The following ZDHHC15 variants were observed in gnomAD, a reference collection of about 807,000 sequenced individuals.
ZDHHC15 encodes the protein palmitoyltransferase ZDHHC15.
In ZDHHC15, 19 loss-of-function variants were observed where a neutral mutation model predicts 31.7. That is an observed-to-expected ratio of 0.60 (90% CI 0.42 to 0.88). The LOEUF (loss-of-function observed/expected upper bound fraction) is 0.88, where lower values mean the gene tolerates loss of function less well. ZDHHC15 is among the 40% of genes least tolerant of loss of function. The pLI is 0.00. For synonymous variants in ZDHHC15, 103 were observed against 90.0 expected (o/e 1.14, Z -0.82); for missense variants, 209 against 251.2 (o/e 0.83, Z 1.14).
intron 3 of ZDHHC15, among the ~76,000 whole-genome samples, chrX:75,474,360 T>G (rs994413535): frequency 1.1e-4 from 12 of 108,320 alleles, no homozygotes; most frequent in Non-Finnish European, 2.3e-4. Flanking sequence ...CTGGCTTTCC[T>G]TGCTCCTCAG....
intron 11 of ZDHHC15, among the ~76,000 whole-genome samples, chrX:75,376,529 T>C (rs918233012): frequency 9.0e-6 from 1 of 111,509 alleles, no homozygotes; most frequent in Non-Finnish European, 1.9e-5. Context: ...ATTTTTATAG[T>C]TTGAAGTCTT....
At chrX:75,490,508 T>A (rs2084865615) in intron 2 of ZDHHC15, among the ~76,000 whole-genome samples, 1 of 111,504 alleles carries the variant, frequency 9.0e-6, no homozygotes, top group African/African-American at 3.3e-5. Context: ...TTTAAAGTAG[T>A]TTTTTCCAAT....
At position 75,372,854 on chromosome X, in the gene ZDHHC15, C is replaced by G. The variant is rs1031841233; in HGVS notation, c.*124G>C. 5 of 111,809 alleles carry G rather than the reference C, an allele frequency of 4.5e-5. No individual in the cohort carries two copies. Among genetic ancestry groups the G allele is most frequent in the Non-Finnish European group, 7.5e-5 (4 of 53,084 alleles). The allele number at this position is 111,809 out of a possible 1,213,427, so 9.2% of individuals were successfully genotyped here. ...GATGGAATTCTTTCAAATTTTGAAGCTTTCAATCCAACACGGTGACTTATT... is the reference window on the plus strand; with the variant it reads ...GATGGAATTCTTTCAAATTTTGAAGGTTTCAATCCAACACGGTGACTTATT... On this transcript the variant is annotated 3_prime_UTR_variant, in exon 12 of 12. Coordinates refer to ENST00000373367, the MANE Select transcript of ZDHHC15 (RefSeq NM_144969.3).
At chrX:75,505,878 C>G (rs1402215438) in intron 1 of ZDHHC15, 31 bp from the exon 2 acceptor site, 2 of 1,132,001 alleles carry the variant, frequency 1.8e-6, no homozygotes, top group Admixed American at 2.2e-5. Flanking sequence ...GAGAGACAGA[C>G]AGACAGACAG....
At chrX:75,494,234 A>G (rs1372380209) in intron 2 of ZDHHC15, among the ~76,000 whole-genome samples, 1 of 111,451 alleles carries the variant, frequency 9.0e-6, no homozygotes, top group African/African-American at 3.3e-5. Context: ...AAGGGACGTG[A>G]AGGACCTCTT....
Position 75,491,272 on chromosome X carries a change from T to C in ZDHHC15, c.164-12287A>G, listed in dbSNP as rs369910488. 1.7e-3 allele frequency among the ~76,000 whole-genome samples: 189 copies of C among 110,178 alleles called. 4 individuals carry two copies. The South Asian group carries it at 0.031, about 18-fold the overall frequency. On this transcript the variant is annotated intron_variant, in intron 2 of 11. Transcript: ENST00000373367. ...CTGGATTAAGAAAATGTGGCACATA[T>C]ACACCATGGAATTCTATGCAGCCAT...
Position 75,421,896 on chromosome X carries a change from C to T in ZDHHC15, c.831G>A (p.Lys277=). The part of the protein sequence containing the change: ...IKNIQQVFGD[K]KKFWLIPIGS... ...CAATAGGTATTAACCAGAACTTCTT[C>T]TTATCTCCAAACACCTGCTGGATAT... The change falls in exon 9 of 12, where the codon AAG becomes AAA. Residue 277 remains lysine, a synonymous_variant. Transcript: ENST00000373367. 6.6e-6 allele frequency: 8 copies of T among 1,210,339 alleles called. No homozygotes were observed. The highest frequency in any genetic ancestry group is 8.9e-6 in the Non-Finnish European group (8 of 894,790).
intron 10 of ZDHHC15, among the ~76,000 whole-genome samples, chrX:75,401,031 C>T (rs771662062): frequency 5.4e-5 from 6 of 110,569 alleles, no homozygotes; most frequent in East Asian, 2.8e-4. Flanking sequence ...GAAGCTGGAA[C>T]GGATGCTGAC....
chrX:75,382,578 A>G (rs1364884292), intron 10 of ZDHHC15, among the ~76,000 whole-genome samples: 1 of 112,416 alleles, frequency 8.9e-6, no homozygotes, highest in Non-Finnish European at 1.9e-5. Flanking sequence ...TGTGGCCAAA[A>G]TGTTAGGGCA....
At chrX:75,384,356 C>G (rs891505342) in intron 10 of ZDHHC15, 2 of 962,392 alleles carry the variant, frequency 2.1e-6, no homozygotes, top group Admixed American at 2.2e-5. Context: ...ATGACGAACA[C>G]AAAGGGAAAG....
intron 9 of ZDHHC15, among the ~76,000 whole-genome samples, chrX:75,420,278 T>C (rs2083608891): frequency 9.0e-6 from 1 of 111,069 alleles, no homozygotes; most frequent in Admixed American, 9.6e-5. Flanking sequence ...CCAGTTAGAA[T>C]GGCAATCATT....
intron 2 of ZDHHC15, among the ~76,000 whole-genome samples, chrX:75,489,112 G>A: frequency 8.9e-6 from 1 of 111,991 alleles, no homozygotes; most frequent in Non-Finnish European, 1.9e-5. Flanking sequence ...ACTGGGTGGA[G>A]CCCACCACAG....
intron 10 of ZDHHC15, among the ~76,000 whole-genome samples, chrX:75,386,019 A>G (rs2083175612): frequency 8.9e-6 from 1 of 112,182 alleles, no homozygotes; most frequent in African/African-American, 3.2e-5. Context: ...ATATTCTCTC[A>G]ATAAATATTA....
At chrX:75,384,431 C>A (rs951867682) in intron 10 of ZDHHC15, 2 of 936,970 alleles carry the variant, frequency 2.1e-6, no homozygotes, top group African/African-American at 3.9e-5. Context: ...CCTTTGGCCA[C>A]GTATATGCAA....
intron 9 of ZDHHC15, among the ~76,000 whole-genome samples, chrX:75,418,364 C>A (rs1480881759): frequency 6.3e-5 from 7 of 111,747 alleles, no homozygotes; most frequent in Non-Finnish European, 1.1e-4. Flanking sequence ...TGAGTGTATT[C>A]CTGTCTAAGG....
chrX:75,451,494 T>A (rs1451158578), intron 3 of ZDHHC15, among the ~76,000 whole-genome samples: 2 of 112,231 alleles, frequency 1.8e-5, no homozygotes, highest in Admixed American at 1.9e-4. Flanking sequence ...GTTGCCACAA[T>A]AGTGCCACAT....
At chrX:75,402,128 T>C (rs2083364941) in intron 10 of ZDHHC15, among the ~76,000 whole-genome samples, 1 of 112,158 alleles carries the variant, frequency 8.9e-6, no homozygotes, top group African/African-American at 3.2e-5. Context: ...AACAACATGC[T>C]CCTGAATGAC....
At chrX:75,397,249 C>A (rs768206694) in intron 10 of ZDHHC15, among the ~76,000 whole-genome samples, 2 of 109,824 alleles carry the variant, frequency 1.8e-5, no homozygotes, top group Non-Finnish European at 3.8e-5. Context: ...ATCACTCGAA[C>A]CCAGGAGGCG....
chrX:75,428,815 T>C (rs1381567474), intron 7 of ZDHHC15, among the ~76,000 whole-genome samples: 1 of 111,712 alleles, frequency 9.0e-6, no homozygotes, highest in Non-Finnish European at 1.9e-5. Flanking sequence ...AAAGAATCAA[T>C]AGGAGTCAAG....
Sources: allele counts gnomAD v4.1 joint callset (sites outside exome capture counted in the v4.1 genomes callset), GRCh38; gene constraint gnomAD v4.1.1; transcripts MANE v1.5; gene names NCBI Gene and HGNC (gene_info 2026-07-23, HGNC 2026-07-21).